Variants in MID1 observed in about 807,000 individuals in gnomAD.
The protein encoded by MID1 is E3 ubiquitin-protein ligase Midline-1.
Under a neutral mutation model 40.4 loss-of-function variants are expected in MID1, and 7 were observed. The ratio of observed to expected loss-of-function variants is 0.17; its 90% CI spans 0.10 to 0.33. MID1 has a LOEUF of 0.33. Among genes scored for constraint, MID1 ranks in the 10% least tolerant of loss-of-function variants. The pLI, the probability that MID1 is intolerant of heterozygous loss-of-function variation, is 1.00. For synonymous variants in MID1, 229 were observed against 221.2 expected, an observed-to-expected ratio of 1.04 and a Z score of -0.31; for missense variants, 367 against 558.5, an observed-to-expected ratio of 0.66 and a Z score of 3.46.
chrX:10,650,456 A>G (rs1345337902), intron 1 of MID1, among the ~76,000 whole-genome samples: 1 of 110,920 alleles, frequency 9.0e-6, no homozygotes, highest in Non-Finnish European at 1.9e-5. Flanking sequence ...CTAACAAAGA[A>G]GAAAACAATT....
At chrX:10,812,862 C>G (rs1412387839) in intron 1 of MID1, among the ~76,000 whole-genome samples, 1 of 111,149 alleles carries the variant, frequency 9.0e-6, no homozygotes, top group Non-Finnish European at 1.9e-5. Flanking sequence ...CTATGATGAA[C>G]TGGCAAGCCA....
intron 1 of MID1, among the ~76,000 whole-genome samples, chrX:10,830,878 T>C (rs1006396420): frequency 6.3e-5 from 7 of 111,842 alleles, no homozygotes; most frequent in African/African-American, 2.3e-4. Context: ...GGATAACATG[T>C]AGAGGGCCTT....
chrX:10,717,245 C>T (rs1334124436), intron 1 of MID1, among the ~76,000 whole-genome samples: 1 of 110,743 alleles, frequency 9.0e-6, no homozygotes, highest in Non-Finnish European at 1.9e-5. Context: ...AAGACACAGA[C>T]TGGCAAATTC....
intron 1 of MID1, chrX:10,677,518 G>A (rs1053173395): frequency 1.8e-5 from 2 of 112,514 alleles, no homozygotes; most frequent in Non-Finnish European, 3.7e-5. Flanking sequence ...GTGGAGACAA[G>A]CAGATGGCAG....
At chrX:10,548,036 T>A (rs1217789639) in intron 2 of MID1, among the ~76,000 whole-genome samples, 1 of 112,235 alleles carries the variant, frequency 8.9e-6, no homozygotes, top group Non-Finnish European at 1.9e-5. Flanking sequence ...TGATCACACA[T>A]ACCATAGAAC....
intron 2 of MID1, among the ~76,000 whole-genome samples, chrX:10,556,589 A>C (rs1478447936): frequency 8.9e-6 from 1 of 112,272 alleles, no homozygotes; most frequent in Non-Finnish European, 1.9e-5. Context: ...TACACCAATG[A>C]AGGTTTTATT....
rs1352814544 is a variant in MID1, at chrX:10,759,669, C to T, written c.-187+73885G>A. ...GCCACTCCCCCAACCCCATTTGTTTCTTAGCCACCTCTGTCATTTACATCA... is the reference window on the plus strand; with the variant it reads ...GCCACTCCCCCAACCCCATTTGTTTTTTAGCCACCTCTGTCATTTACATCA... On this transcript the variant is annotated intron_variant, in intron 1 of 10. Transcript: ENST00000380785. 6.3e-5 allele frequency among the ~76,000 whole-genome samples: 7 copies of T among 110,607 alleles called. No individual in the cohort carries two copies. The South Asian group carries it at 2.7e-3, about 43-fold the overall frequency.
chrX:10,554,027 C>T (rs772405841), intron 2 of MID1, among the ~76,000 whole-genome samples: 18 of 111,712 alleles, frequency 1.6e-4, no homozygotes, highest in Non-Finnish European at 2.8e-4. Context: ...AGCTCCAAAA[C>T]GTAGTCATCT....
intron 3 of MID1, among the ~76,000 whole-genome samples, chrX:10,516,009 T>C (rs1426162526): frequency 9.0e-6 from 1 of 111,387 alleles, no homozygotes; most frequent in East Asian, 2.8e-4. Flanking sequence ...ATTTTGATCA[T>C]TTCTCATAAG....
chrX:10,569,516 GA>G (rs897700060), intron 1 of MID1, among the ~76,000 whole-genome samples: 23 of 112,104 alleles, frequency 2.1e-4, no homozygotes, highest in African/African-American at 7.1e-4. Flanking sequence ...GTTAATCATA[GA>G]AAAAATGTAG....
At chrX:10,740,875 A>G (rs1335719654) in intron 1 of MID1, among the ~76,000 whole-genome samples, 1 of 102,852 alleles carries the variant, frequency 9.7e-6, no homozygotes, top group Non-Finnish European at 1.9e-5. Context: ...CTTTGAAAAA[A>G]AAAAGGATTA....
At chrX:10,758,653 G>C (rs901090788) in intron 1 of MID1, among the ~76,000 whole-genome samples, 16 of 108,689 alleles carry the variant, frequency 1.5e-4, no homozygotes, top group Non-Finnish European at 2.9e-4. Context: ...ACCACGCCCA[G>C]CTAATTTTTT....
intron 1 of MID1, among the ~76,000 whole-genome samples, chrX:10,640,873 A>C (rs1323857022): frequency 3.6e-5 from 4 of 111,490 alleles, no homozygotes; most frequent in Admixed American, 1.9e-4. Context: ...ACTCAAAACC[A>C]CTCAACTGCA....
intron 1 of MID1, among the ~76,000 whole-genome samples, chrX:10,792,449 A>T (rs1450269942): frequency 8.9e-6 from 1 of 112,568 alleles, no homozygotes. Context: ...ATAAACTCTG[A>T]CTGACCGAAC....
At chrX:10,691,045 T>C (rs1386019060) in intron 1 of MID1, among the ~76,000 whole-genome samples, 3 of 111,899 alleles carry the variant, frequency 2.7e-5, no homozygotes, top group Non-Finnish European at 5.6e-5. Flanking sequence ...GTGTGGGAAC[T>C]ACATTCTGGC....
intron 2 of MID1, among the ~76,000 whole-genome samples, chrX:10,524,521 C>G (rs1465223458): frequency 8.9e-6 from 1 of 112,573 alleles, no homozygotes; most frequent in Non-Finnish European, 1.9e-5. Flanking sequence ...GTTGGACAAG[C>G]TTGATTTACA....
intron 1 of MID1, among the ~76,000 whole-genome samples, chrX:10,785,456 G>T (rs1351961707): frequency 1.8e-5 from 2 of 111,168 alleles, no homozygotes; most frequent in East Asian, 5.6e-4. Context: ...CAAAGAATTG[G>T]AAAAAATTAC....
rs192776671 is a variant in MID1 at position 10,523,735 on chromosome X, A to G, written c.661-548T>C. Among the ~76,000 whole-genome samples, 96 of 112,120 alleles carry G rather than the reference A, an allele frequency of 8.6e-4. No homozygotes were observed. In the Admixed American group the frequency reaches 9.0e-3, roughly 10 times the overall value. On this transcript the variant is annotated intron_variant, in intron 2 of 9. Transcript: ENST00000317552. ...TTGTAGTGGAGTTGACTCTGTATCCACTGGGTTCCACATACCTGGATTCAA... is the reference window on the plus strand; with the variant it reads ...TTGTAGTGGAGTTGACTCTGTATCCGCTGGGTTCCACATACCTGGATTCAA...
chrX:10,510,597 C>A (rs1374339683), intron 3 of MID1, among the ~76,000 whole-genome samples: 2 of 110,541 alleles, frequency 1.8e-5, no homozygotes, highest in African/African-American at 6.6e-5. Context: ...CTTTGGGAGG[C>A]CAAGGTGGGC....
Sources: gnomAD v4.1 joint callset for allele counts (sites outside exome capture counted in the v4.1 genomes callset) on GRCh38, gnomAD v4.1.1 for gene constraint, MANE v1.5 for transcripts, NCBI Gene and HGNC (gene_info 2026-07-23, HGNC 2026-07-21) for gene names.